PTPRD: variants seen among roughly 807,000 people sequenced by gnomAD.
PTPRD encodes the protein receptor-type tyrosine-protein phosphatase delta.
A neutral mutation model predicts 214.5 loss-of-function variants in PTPRD; 34 were observed. The observed-to-expected ratio is 0.16, with a 90% CI of 0.12 to 0.21. The LOEUF (loss-of-function observed/expected upper bound fraction) is 0.21. PTPRD is among the 10% of genes least tolerant of loss of function. PTPRD has a pLI of 1.00. For synonymous variants in PTPRD, 1,128 were observed against 845.7 expected (o/e 1.33, Z -5.79); for missense variants, 2,545 against 2,398.7 (o/e 1.06, Z -1.27).
intron 2 of PTPRD, among the ~76,000 whole-genome samples, chr9:10,510,901 C>A (rs2047792812): frequency 6.6e-6 from 1 of 152,106 alleles, no homozygotes; most frequent in Admixed American, 6.6e-5. Context: ...CTATTCACTA[C>A]CTCCATGAGA....
chr9:8,338,349 T>C (rs1018669317), intron 43 of PTPRD, among the ~76,000 whole-genome samples: 2 of 152,074 alleles, frequency 1.3e-5, no homozygotes, highest in Non-Finnish European at 2.9e-5. Flanking sequence ...GGATGAAAAT[T>C]AGCCAACAAG....
At chr9:10,496,126 TA>T (rs138118606) in intron 2 of PTPRD, among the ~76,000 whole-genome samples, 2 of 151,794 alleles carry the variant, frequency 1.3e-5, no homozygotes, top group Non-Finnish European at 2.9e-5. Context: ...ATTTTAACAT[TA>T]AAAAACAGCC....
intron 2 of PTPRD, among the ~76,000 whole-genome samples, chr9:10,581,859 TTAA>T (rs2071965308): frequency 6.6e-6 from 1 of 152,188 alleles, no homozygotes. Flanking sequence ...GGTTCTTATA[TTAA>T]TAATATTTAT....
chr9:8,490,957 T>C (rs2097137281), intron 27 of PTPRD, among the ~76,000 whole-genome samples: 1 of 152,198 alleles, frequency 6.6e-6, no homozygotes, highest in East Asian at 1.9e-4. Flanking sequence ...ATAAACTCAG[T>C]AATTCTTCAC....
chr9:9,808,412 C>G lies in PTPRD; in HGVS notation c.-367-41561G>C, dbSNP rs531161619. On this transcript the variant is annotated intron_variant, in intron 5 of 45. Transcript: ENST00000381196. Reference sequence around the variant, plus strand: ...CCATAGAAATGAAATTGTCTTAAAACCCCCTTTCTAGGAACCTAATCAATT... The same window carrying G: ...CCATAGAAATGAAATTGTCTTAAAAGCCCCTTTCTAGGAACCTAATCAATT... Among the ~76,000 whole-genome samples, 4 of 152,246 alleles carry G rather than the reference C, an allele frequency of 2.6e-5. No homozygotes were observed. The South Asian group carries it at 8.3e-4, about 32-fold the overall frequency.
chr9:10,332,732 T>C (rs1389205572), intron 3 of PTPRD, among the ~76,000 whole-genome samples: 2 of 151,736 alleles, frequency 1.3e-5, no homozygotes, highest in Non-Finnish European at 2.9e-5. Flanking sequence ...ACACAATTAA[T>C]AAACAACAGA....
chr9:8,637,539 T>C (rs959644099), intron 12 of PTPRD, among the ~76,000 whole-genome samples: 7 of 152,214 alleles, frequency 4.6e-5, no homozygotes, highest in Admixed American at 4.6e-4. Flanking sequence ...GCTAGCAAGA[T>C]AGACATTGGA....
chr9:9,339,415 G>C (rs188897520), intron 9 of PTPRD, among the ~76,000 whole-genome samples: 28 of 152,078 alleles, frequency 1.8e-4, no homozygotes, highest in Admixed American at 3.3e-4. Context: ...GAACCTGAGA[G>C]GAGGAGCTTG....
chr9:10,595,278 G>A (rs1482013604), intron 2 of PTPRD, among the ~76,000 whole-genome samples: 1 of 151,720 alleles, frequency 6.6e-6, no homozygotes, highest in Non-Finnish European at 1.5e-5. Flanking sequence ...AATCAATGGT[G>A]AAAAGTAAAT....
intron 11 of PTPRD, among the ~76,000 whole-genome samples, chr9:8,839,802 C>G (rs956487301): frequency 2.2e-5 from 2 of 91,438 alleles, no homozygotes; most frequent in Admixed American, 2.2e-4. Flanking sequence ...CAATGCCCAA[C>G]AAAAGACAAA....
At chr9:8,925,321 G>A (rs772672424) in intron 11 of PTPRD, among the ~76,000 whole-genome samples, 9 of 152,006 alleles carry the variant, frequency 5.9e-5, no homozygotes, top group Admixed American at 1.3e-4. Flanking sequence ...GGATGGCTCC[G>A]AGGCAGGGGA....
chr9:8,783,388 A>G (rs1223330389), intron 11 of PTPRD, among the ~76,000 whole-genome samples: 1 of 152,248 alleles, frequency 6.6e-6, no homozygotes, highest in Admixed American at 6.5e-5. Flanking sequence ...AATTCAACTG[A>G]AAAGTATGAA....
intron 12 of PTPRD, among the ~76,000 whole-genome samples, chr9:8,728,994 G>A (rs1221738811): frequency 6.6e-6 from 1 of 152,006 alleles, no homozygotes; most frequent in South Asian, 2.1e-4. Context: ...ACTAAAAAAT[G>A]TATTTTTTTC....
chr9:9,897,131 T>TACACACACACACACACACAC (rs60964311), intron 5 of PTPRD, among the ~76,000 whole-genome samples: 3 of 148,876 alleles, frequency 2.0e-5, no homozygotes, highest in African/African-American at 7.4e-5. Context: ...CTCTTACACT[T>TACACACACACACACACACAC]ACACACACAC....
intron 2 of PTPRD, among the ~76,000 whole-genome samples, chr9:10,392,710 T>C (rs1195397304): frequency 1.3e-5 from 2 of 151,860 alleles, no homozygotes; most frequent in African/African-American, 4.8e-5. Flanking sequence ...TATTATGTCT[T>C]ATTTGAGGTT....
chr9:10,365,668 C>CTG (rs1205436883), intron 2 of PTPRD, among the ~76,000 whole-genome samples: 1 of 152,094 alleles, frequency 6.6e-6, no homozygotes, highest in Non-Finnish European at 1.5e-5. Context: ...GCTCAGTCAA[C>CTG]ATTTACTGAA....
intron 14 of PTPRD, among the ~76,000 whole-genome samples, chr9:8,609,743 G>T (rs368589360): frequency 6.6e-6 from 1 of 152,122 alleles, no homozygotes; most frequent in East Asian, 1.9e-4. Context: ...AAATTACCCT[G>T]CAATAAATGA....
At chr9:9,202,995 G>T (rs572683858) in intron 9 of PTPRD, among the ~76,000 whole-genome samples, 4 of 151,992 alleles carry the variant, frequency 2.6e-5, no homozygotes, top group Non-Finnish European at 2.9e-5. Flanking sequence ...CACATCAACC[G>T]TCTTTATCCC....
At chr9:10,279,383 G>C (rs1439495452) in intron 3 of PTPRD, among the ~76,000 whole-genome samples, 1 of 151,834 alleles carries the variant, frequency 6.6e-6, no homozygotes, top group African/African-American at 2.4e-5. Flanking sequence ...GACCCTTTAG[G>C]CCCTAGACCT....
Sources: gnomAD v4.1 joint callset for allele counts (sites outside exome capture counted in the v4.1 genomes callset) on GRCh38, gnomAD v4.1.1 for gene constraint, MANE v1.5 for transcripts, NCBI Gene and HGNC (gene_info 2026-07-23, HGNC 2026-07-21) for gene names.